The following OR52N4 variants were observed in gnomAD, a reference collection of about 807,000 sequenced individuals.
OR52N4 encodes the protein olfactory receptor 52N4.
OR52N4 carries 15 observed loss-of-function variants against 15.0 expected under a neutral mutation model. That is an observed-to-expected ratio of 1.00 (90% CI 0.67 to 1.54). The LOEUF is 1.54. OR52N4 is among the 40% of genes most tolerant of loss of function. The pLI is 0.00. For synonymous variants in OR52N4, 143 were observed against 143.7 expected (o/e 1.00, Z 0.03); for missense variants, 421 against 394.0 (o/e 1.07, Z -0.58).
At chr11:5,752,354 C>T (rs73406165), upstream of OR52N4, among the ~76,000 whole-genome samples, 9,266 of 152,248 alleles carry the variant, frequency 0.061, 340 homozygotes, top group African/African-American at 0.086. Flanking sequence ...GATCTGTCCT[C>T]TTCATCTTAC....
the OR52N4 span, among the ~76,000 whole-genome samples, chr11:5,735,301 T>C: frequency 3.0e-4 from 46 of 152,192 alleles, no homozygotes; most frequent in African/African-American, 1.1e-3. Context: ...CAAGAGATTA[T>C]ATTCACTTCG....
At chr11:5,731,704 C>G in the OR52N4 span, among the ~76,000 whole-genome samples, 1 of 152,058 alleles carries the variant, frequency 6.6e-6, no homozygotes, top group Admixed American at 6.5e-5. Context: ...AGGTCCCTGC[C>G]ATGTGAGCCA....
At chr11:5,748,868 A>G in the OR52N4 span, among the ~76,000 whole-genome samples, 1 of 151,948 alleles carries the variant, frequency 6.6e-6, no homozygotes, top group Admixed American at 6.6e-5. Flanking sequence ...TGACTCATAT[A>G]TACACTCTAA....
chr11:5,743,201 T>C, the OR52N4 span, among the ~76,000 whole-genome samples: 1 of 152,004 alleles, frequency 6.6e-6, no homozygotes. Flanking sequence ...TCTGAACATA[T>C]ATGCATCCAA....
the OR52N4 span, among the ~76,000 whole-genome samples, chr11:5,747,077 CAAAAAAAAAAAA>C: frequency 5.2e-5 from 3 of 57,262 alleles, no homozygotes; most frequent in South Asian, 9.1e-4. Context: ...GTAAAAATAC[CAAAAAAAAAAAA>C]AAAAAAAAAA....
the OR52N4 span, among the ~76,000 whole-genome samples, chr11:5,730,722 G>C: frequency 2.0e-5 from 3 of 150,524 alleles, no homozygotes; most frequent in African/African-American, 7.4e-5. Context: ...TCCAATCTAA[G>C]TCCATAGCAA....
the OR52N4 span, among the ~76,000 whole-genome samples, chr11:5,745,511 AAGG>A: frequency 6.6e-6 from 1 of 152,178 alleles, no homozygotes; most frequent in Admixed American, 6.5e-5. Flanking sequence ...AGATCTCTAC[AAGG>A]AGAACTATGA....
At chr11:5,737,463 T>C in the OR52N4 span, 1 of 1,612,282 alleles carries the variant, frequency 6.2e-7, no homozygotes, top group South Asian at 1.1e-5. Context: ...AAGGTGCTGT[T>C]TGCCCTTACA....
chr11:5,737,903 G>C, the OR52N4 span: 1 of 162,660 alleles, frequency 6.1e-6, no homozygotes, highest in Non-Finnish European at 1.4e-5. Flanking sequence ...TGTAACTTGG[G>C]AGCAAAGTCA....
the OR52N4 span, chr11:5,737,689 T>C: frequency 4.2e-6 from 2 of 472,786 alleles, no homozygotes; most frequent in African/African-American, 1.9e-5. Flanking sequence ...TTTAAATATA[T>C]TTGAGAATAT....
the OR52N4 span, among the ~76,000 whole-genome samples, chr11:5,738,776 T>TAA: frequency 1.5e-4 from 22 of 148,202 alleles, no homozygotes; most frequent in African/African-American, 4.7e-4. Context: ...CTTTTTTTTT[T>TAA]AAATAGTCCT....
chr11:5,745,642 A>G, the OR52N4 span, among the ~76,000 whole-genome samples: 81 of 152,170 alleles, frequency 5.3e-4, 2 homozygotes, highest in Non-Finnish European at 1.0e-4. Context: ...TACACAGTCA[A>G]TGTGATCCCT....
chr11:5,749,574 C>G (rs1221022918), upstream of OR52N4, among the ~76,000 whole-genome samples: 2 of 151,908 alleles, frequency 1.3e-5, no homozygotes, highest in African/African-American at 4.8e-5. Flanking sequence ...ACCCATTACT[C>G]TTGCTTCTTA....
chr11:5,747,278 T>G, the OR52N4 span, among the ~76,000 whole-genome samples: 1 of 151,694 alleles, frequency 6.6e-6, no homozygotes, highest in Non-Finnish European at 1.5e-5. Flanking sequence ...CAACCAGCCT[T>G]TGCAAAATAG....
At chr11:5,752,852 A>G (rs990946150), upstream of OR52N4, among the ~76,000 whole-genome samples, 6 of 152,184 alleles carry the variant, frequency 3.9e-5, no homozygotes. Context: ...CTAATAGCAC[A>G]GAATAATTTG....
At chr11:5,736,867 G>T in the OR52N4 span, 4 of 1,613,790 alleles carry the variant, frequency 2.5e-6, no homozygotes, top group Admixed American at 1.7e-5. Flanking sequence ...ACTTCTTTGT[G>T]GGCATGGAGT....
chr11:5,737,420 C>CT, the OR52N4 span: 1 of 1,614,066 alleles, frequency 6.2e-7, no homozygotes, highest in Non-Finnish European at 8.5e-7. Context: ...AGTTTATGCA[C>CT]TTCAGACCAA....
chr11:5,736,807 T>C, the OR52N4 span: 1 of 1,614,042 alleles, frequency 6.2e-7, no homozygotes, highest in Non-Finnish European at 8.5e-7. Flanking sequence ...TCTGGTTTGA[T>C]GCCAAGGTTA....
chr11:5,744,730 T>C, the OR52N4 span, among the ~76,000 whole-genome samples: 30 of 152,180 alleles, frequency 2.0e-4, no homozygotes, highest in South Asian at 4.2e-3. Context: ...CTGGCCACCA[T>C]GGCGAAACCC....
Sources: allele counts gnomAD v4.1 joint callset (sites outside exome capture counted in the v4.1 genomes callset), GRCh38; gene constraint gnomAD v4.1.1; transcripts MANE v1.5; gene names NCBI Gene and HGNC (gene_info 2026-07-23, HGNC 2026-07-21).